Variants in ZFPM2 observed in about 807,000 individuals in gnomAD.
The protein encoded by ZFPM2 is zinc finger protein ZFPM2.
A neutral mutation model predicts 98.6 loss-of-function variants in ZFPM2; 20 were observed. The ratio of observed to expected loss-of-function variants is 0.20; its 90% CI spans 0.14 to 0.29. The LOEUF is 0.29. Ranked by LOEUF, ZFPM2 falls within the 10% of genes least tolerant of loss-of-function variation. ZFPM2 has a pLI of 1.00. For synonymous variants in ZFPM2, 518 were observed against 502.7 expected, an observed-to-expected ratio of 1.03 and a Z score of -0.41; for missense variants, 1,310 against 1,388.6, an observed-to-expected ratio of 0.94 and a Z score of 0.90.
intron 3 of ZFPM2, among the ~76,000 whole-genome samples, chr8:105,466,934 C>T (rs552771886): frequency 6.6e-5 from 10 of 152,148 alleles, no homozygotes; most frequent in African/African-American, 2.2e-4. Context: ...CCTGTTTCAA[C>T]ATTTGATTAC....
intron 5 of ZFPM2, among the ~76,000 whole-genome samples, chr8:105,670,679 C>T (rs373265776): frequency 1.3e-5 from 2 of 152,094 alleles, no homozygotes; most frequent in Non-Finnish European, 2.9e-5. Flanking sequence ...AGCTTCATTG[C>T]ATATGTATAT....
chr8:105,696,159 G>A (rs1229156006), intron 5 of ZFPM2, among the ~76,000 whole-genome samples: 1 of 152,112 alleles, frequency 6.6e-6, no homozygotes, highest in East Asian at 1.9e-4. Flanking sequence ...AGAAGATTAG[G>A]GATTCACCAG....
At chr8:105,524,119 G>A (rs1206661276) in intron 3 of ZFPM2, among the ~76,000 whole-genome samples, 3 of 152,132 alleles carry the variant, frequency 2.0e-5, no homozygotes, top group South Asian at 4.1e-4. Flanking sequence ...TATATTTATA[G>A]GAAAGTGCTT....
chr8:105,637,485 A>G (rs1327259837), intron 5 of ZFPM2, among the ~76,000 whole-genome samples: 4 of 152,078 alleles, frequency 2.6e-5, no homozygotes, highest in Non-Finnish European at 4.4e-5. Flanking sequence ...AACAAAAGCA[A>G]AAAACCCTGA....
chr8:105,670,211 A>G (rs1176605890), intron 5 of ZFPM2, among the ~76,000 whole-genome samples: 1 of 152,128 alleles, frequency 6.6e-6, no homozygotes, highest in African/African-American at 2.4e-5. Context: ...TAAGAGCTGA[A>G]ACTGGCCAGG....
At chr8:105,703,819 A>G (rs1022548510) in intron 5 of ZFPM2, among the ~76,000 whole-genome samples, 3 of 152,214 alleles carry the variant, frequency 2.0e-5, no homozygotes, top group African/African-American at 7.2e-5. Flanking sequence ...TCATATTTAA[A>G]GAATCAACTG....
intron 1 of ZFPM2, among the ~76,000 whole-genome samples, chr8:105,379,357 G>T (rs1360185243): frequency 6.6e-6 from 1 of 152,132 alleles, no homozygotes; most frequent in East Asian, 1.9e-4. Flanking sequence ...AATGCAATTA[G>T]AATTTTTATC....
At chr8:105,623,337 C>G (rs1449949404) in intron 4 of ZFPM2, among the ~76,000 whole-genome samples, 1 of 151,992 alleles carries the variant, frequency 6.6e-6, no homozygotes, top group Admixed American at 6.6e-5. Flanking sequence ...TCTAGTTTTG[C>G]CATAGACTTC....
At chr8:105,698,808 A>G (rs1353908784) in intron 5 of ZFPM2, among the ~76,000 whole-genome samples, 1 of 152,194 alleles carries the variant, frequency 6.6e-6, no homozygotes, top group Non-Finnish European at 1.5e-5. Context: ...CACAGCTTCA[A>G]TTTCAATGTT....
Position 105,318,472 on chromosome 8 carries a change from C to CGGCGCCGGA in ZFPM2, c.-468_-460dup, listed in dbSNP as rs1563600545. 6.0e-5 allele frequency among the ~76,000 whole-genome samples: 9 copies of CGGCGCCGGA among 150,326 alleles called. No homozygotes were observed. The South Asian group carries it at 1.9e-3, about 32-fold the overall frequency. Reference sequence around the variant, plus strand: ...GCTGCGCGGCCCGGAGCGGCGGCGGCGGCGCCGGAGTATCCGTCCCGCACG... The same window carrying CGGCGCCGGA: ...GCTGCGCGGCCCGGAGCGGCGGCGGCGGCGCCGGAGGCGCCGGAGTATCCGTCCCGCACG... On this transcript the variant is annotated 5_prime_UTR_variant, in exon 1 of 8. Transcript: ENST00000407775.
chr8:105,461,491 T>G (rs2130303857), intron 3 of ZFPM2, among the ~76,000 whole-genome samples: 1 of 152,240 alleles, frequency 6.6e-6, no homozygotes, highest in African/African-American at 2.4e-5. Flanking sequence ...AAATTCTAAA[T>G]CATTCAAATA....
At chr8:105,519,494 A>G (rs60695618) in intron 3 of ZFPM2, among the ~76,000 whole-genome samples, 5 of 152,096 alleles carry the variant, frequency 3.3e-5, no homozygotes, top group Admixed American at 6.5e-5. Context: ...CCTCCCAAAG[A>G]TGATTATTTT....
chr8:105,521,467 A>C (rs1814059336), intron 3 of ZFPM2, among the ~76,000 whole-genome samples: 1 of 152,288 alleles, frequency 6.6e-6, no homozygotes, highest in Admixed American at 6.5e-5. Context: ...TAAATTATGT[A>C]AATATAAAGG....
At chr8:105,461,972 C>G (rs1235838172) in intron 3 of ZFPM2, among the ~76,000 whole-genome samples, 1 of 152,142 alleles carries the variant, frequency 6.6e-6, no homozygotes, top group African/African-American at 2.4e-5. Flanking sequence ...GATTGTCGCA[C>G]TTATTATTTG....
At chr8:105,457,043 A>G (rs1812607241) in intron 3 of ZFPM2, among the ~76,000 whole-genome samples, 1 of 152,156 alleles carries the variant, frequency 6.6e-6, no homozygotes, top group Non-Finnish European at 1.5e-5. Flanking sequence ...GAGGTTTATC[A>G]TTTGTAATGT....
intron 2 of ZFPM2, among the ~76,000 whole-genome samples, chr8:105,435,913 A>G (rs1812110642): frequency 1.3e-5 from 2 of 152,228 alleles, no homozygotes; most frequent in Non-Finnish European, 2.9e-5. Flanking sequence ...ATGTCAAAAC[A>G]TTACCATAAA....
rs13274154 is a variant in ZFPM2, at chr8:105,712,537, C to G, written c.533-76181C>G. On this transcript the variant is annotated intron_variant, in intron 5 of 7. Transcript: ENST00000407775. ...CCAGTCATTAAATTTGGGGCGACTA[C>G]AAGCCATTTTTTTTGTGTTGTTTAA... 1.0e-3 allele frequency among the ~76,000 whole-genome samples: 155 copies of G among 152,012 alleles called. 1 individual carries two copies. The highest frequency in any genetic ancestry group is 3.4e-3 in the Middle Eastern group (1 of 294).
rs185714365 is a variant in ZFPM2, at chr8:105,471,095, C to T, written c.301+26714C>T. Among the ~76,000 whole-genome samples, 23 of 152,260 alleles carry T rather than the reference C, an allele frequency of 1.5e-4. 2 individuals carry two copies. The East Asian group carries it at 4.4e-3, about 29-fold the overall frequency. On this transcript the variant is annotated intron_variant, in intron 3 of 7. Transcript: ENST00000407775. ...CTGACTATTCCTTTAACTTTTCTCA[C>T]TCTGACAGCTTCGTTTGGTTCATGA...
chr8:105,579,716 T>G (rs1195645410), intron 4 of ZFPM2, among the ~76,000 whole-genome samples: 3 of 152,210 alleles, frequency 2.0e-5, no homozygotes, highest in Non-Finnish European at 4.4e-5. Context: ...TGGCATTTGC[T>G]TTCTCTTTGC....
Sources: gnomAD v4.1 joint callset for allele counts (sites outside exome capture counted in the v4.1 genomes callset) on GRCh38, gnomAD v4.1.1 for gene constraint, MANE v1.5 for transcripts, NCBI Gene and HGNC (gene_info 2026-07-23, HGNC 2026-07-21) for gene names.